Variants in CDKAL1 observed in about 807,000 individuals in gnomAD.
The protein encoded by CDKAL1 is CDKAL1 threonylcarbamoyladenosine tRNA methylthiotransferase.
A neutral mutation model predicts 68.2 loss-of-function variants in CDKAL1; 32 were observed. That is an observed-to-expected ratio of 0.47 (90% CI 0.35 to 0.63). The LOEUF (loss-of-function observed/expected upper bound fraction) is 0.63. Among genes scored for constraint, CDKAL1 ranks in the 30% least tolerant of loss-of-function variants. CDKAL1 has a pLI of 0.00. For synonymous variants in CDKAL1, 234 were observed against 244.3 expected (o/e 0.96, Z 0.39); for missense variants, 606 against 696.7 (o/e 0.87, Z 1.47).
chr6:21,189,037 G>C (rs561477382), intron 13 of CDKAL1, among the ~76,000 whole-genome samples: 1 of 152,300 alleles, frequency 6.6e-6, no homozygotes, highest in East Asian at 1.9e-4. Flanking sequence ...GATGAAAATA[G>C]CTTTGTTACT....
intron 5 of CDKAL1, among the ~76,000 whole-genome samples, chr6:20,683,949 G>C (rs1770499235): frequency 6.6e-6 from 1 of 152,138 alleles, no homozygotes; most frequent in Admixed American, 6.5e-5. Flanking sequence ...CAGATAGTGG[G>C]AGTCATATAA....
At chr6:20,845,679 C>A (rs938466933) in intron 8 of CDKAL1, among the ~76,000 whole-genome samples, 1 of 152,058 alleles carries the variant, frequency 6.6e-6, no homozygotes, top group Non-Finnish European at 1.5e-5. Flanking sequence ...TTTCTGAATA[C>A]TATAGTGTGT....
chr6:20,868,649 C>T (rs765615751), intron 9 of CDKAL1, among the ~76,000 whole-genome samples: 7 of 152,186 alleles, frequency 4.6e-5, no homozygotes, highest in Non-Finnish European at 1.0e-4. Flanking sequence ...CCAGGGCTAG[C>T]GGAGGACCGA....
At chr6:20,766,122 A>T (rs1166296727) in intron 7 of CDKAL1, among the ~76,000 whole-genome samples, 2 of 152,276 alleles carry the variant, frequency 1.3e-5, no homozygotes, top group Non-Finnish European at 2.9e-5. Flanking sequence ...ATGGTCTTAC[A>T]TGCTTTTTGT....
chr6:20,963,857 C>G (rs1048445521), intron 10 of CDKAL1, among the ~76,000 whole-genome samples: 1 of 152,092 alleles, frequency 6.6e-6, no homozygotes, highest in Admixed American at 6.6e-5. Flanking sequence ...GAGAATAAAT[C>G]TAGTGTGAGA....
At chr6:20,590,870 C>T (rs569029678) in intron 4 of CDKAL1, among the ~76,000 whole-genome samples, 207 of 152,158 alleles carry the variant, frequency 1.4e-3, no homozygotes, top group African/African-American at 3.9e-3. Context: ...GGGTGTATAC[C>T]GAGTAATGGG....
At chr6:20,586,632 A>C (rs770284180) in intron 4 of CDKAL1, among the ~76,000 whole-genome samples, 2 of 152,150 alleles carry the variant, frequency 1.3e-5, no homozygotes, top group Non-Finnish European at 2.9e-5. Context: ...GTGAAACTCT[A>C]TCTCAAAACA....
At chr6:20,812,512 T>A (rs1305616802) in intron 8 of CDKAL1, among the ~76,000 whole-genome samples, 1 of 152,190 alleles carries the variant, frequency 6.6e-6, no homozygotes, top group East Asian at 1.9e-4. Context: ...CTTCCAAATT[T>A]TTCTTTTGCT....
chr6:21,152,593 C>T (rs906366339), intron 13 of CDKAL1, among the ~76,000 whole-genome samples: 2 of 152,136 alleles, frequency 1.3e-5, no homozygotes, highest in Admixed American at 6.5e-5. Context: ...TCAAGGAGCT[C>T]GTAGTCTATG....
At chr6:21,119,174 T>G (rs1774578220) in intron 13 of CDKAL1, among the ~76,000 whole-genome samples, 1 of 152,136 alleles carries the variant, frequency 6.6e-6, no homozygotes, top group Non-Finnish European at 1.5e-5. Context: ...AGAACTTCAT[T>G]TCCCTGGTTT....
At chr6:21,149,782 G>A (rs948469412) in intron 13 of CDKAL1, among the ~76,000 whole-genome samples, 9 of 152,192 alleles carry the variant, frequency 5.9e-5, no homozygotes, top group African/African-American at 1.9e-4. Flanking sequence ...TGAGTCCATC[G>A]TATCTATCAA....
chr6:20,682,772 A>G (rs1581377163), intron 5 of CDKAL1, among the ~76,000 whole-genome samples: 1 of 152,196 alleles, frequency 6.6e-6, no homozygotes, highest in African/African-American at 2.4e-5. Flanking sequence ...GTGCTATTCT[A>G]TTAGACTGCA....
chr6:20,997,262 A>G, intron 10 of CDKAL1, among the ~76,000 whole-genome samples: 1 of 152,336 alleles, frequency 6.6e-6, no homozygotes, highest in Admixed American at 6.5e-5. Flanking sequence ...AAGGAAGAAG[A>G]TTCTGAAAGA....
chr6:20,889,636 T>G (rs1761277652), intron 9 of CDKAL1, among the ~76,000 whole-genome samples: 1 of 152,220 alleles, frequency 6.6e-6, no homozygotes, highest in African/African-American at 2.4e-5. Flanking sequence ...CATTTCTTAT[T>G]TTTGTCAGGT....
chr6:20,731,640 T>C (rs1485303167), intron 5 of CDKAL1, among the ~76,000 whole-genome samples: 2 of 152,196 alleles, frequency 1.3e-5, no homozygotes, highest in Non-Finnish European at 2.9e-5. Flanking sequence ...AGGTAGTATA[T>C]ATGCTTCATT....
At chr6:21,016,352 C>T (rs1302271814) in intron 11 of CDKAL1, among the ~76,000 whole-genome samples, 1 of 152,056 alleles carries the variant, frequency 6.6e-6, no homozygotes, top group Non-Finnish European at 1.5e-5. Flanking sequence ...CTCTTCCTCA[C>T]TGCCCACCCC....
chr6:20,671,462 C>A (rs1769810780), intron 5 of CDKAL1, among the ~76,000 whole-genome samples: 1 of 152,060 alleles, frequency 6.6e-6, no homozygotes. Flanking sequence ...TTATTCTTTG[C>A]CATTAAATTT....
intron 9 of CDKAL1, among the ~76,000 whole-genome samples, chr6:20,859,062 C>CT (rs1218244716): frequency 1.3e-5 from 2 of 151,520 alleles, no homozygotes; most frequent in Non-Finnish European, 2.9e-5. Flanking sequence ...ACATATGTAT[C>CT]TTTTTTTAAT....
intron 15 of CDKAL1, among the ~76,000 whole-genome samples, chr6:21,223,607 A>G (rs1779616577): frequency 6.6e-6 from 1 of 151,756 alleles, no homozygotes; most frequent in Non-Finnish European, 1.5e-5. Flanking sequence ...TTCCATTGGA[A>G]GCCCAAGCCC....
Sources: allele counts gnomAD v4.1 joint callset (sites outside exome capture counted in the v4.1 genomes callset), GRCh38; gene constraint gnomAD v4.1.1; transcripts MANE v1.5; gene names NCBI Gene and HGNC (gene_info 2026-07-23, HGNC 2026-07-21).